Variants in BAZ1A observed in about 807,000 individuals in gnomAD.
BAZ1A encodes bromodomain adjacent to zinc finger domain 1A.
Under a neutral mutation model 185.2 loss-of-function variants are expected in BAZ1A, and 50 were observed. The observed-to-expected ratio is 0.27, with a 90% confidence interval of 0.22 to 0.34. The LOEUF (loss-of-function observed/expected upper bound fraction) is 0.34. Among genes scored for constraint, BAZ1A ranks in the 10% least tolerant of loss-of-function variants. The pLI is 1.00. For synonymous variants in BAZ1A, 571 were observed against 615.6 expected, an observed-to-expected ratio of 0.93 and a Z score of 1.07; for missense variants, 1,356 against 1,839.9, an observed-to-expected ratio of 0.74 and a Z score of 4.81.
intron 3 of BAZ1A, among the ~76,000 whole-genome samples, chr14:34,846,377 C>A: frequency 6.6e-6 from 1 of 152,134 alleles, no homozygotes; most frequent in Non-Finnish European, 1.5e-5. Flanking sequence ...CACTCTCACC[C>A]CCAGCATTTA....
At chr14:34,846,689 T>C (rs1360914004) in intron 3 of BAZ1A, among the ~76,000 whole-genome samples, 1 of 152,172 alleles carries the variant, frequency 6.6e-6, no homozygotes, top group Non-Finnish European at 1.5e-5. Flanking sequence ...CTATTATGCA[T>C]AAGGGTTCTA....
At chr14:34,783,320 G>T in intron 15 of BAZ1A, 88 bp from the exon 16 acceptor site, 15 of 674,130 alleles carry the variant, frequency 2.2e-5, no homozygotes, top group Non-Finnish European at 2.7e-5. Context: ...ATCATGGAAA[G>T]TACTTCAAAC....
At chr14:34,813,420 C>T (rs905878285) in intron 4 of BAZ1A, among the ~76,000 whole-genome samples, 2 of 152,136 alleles carry the variant, frequency 1.3e-5, no homozygotes, top group African/African-American at 2.4e-5. Context: ...CAGTGGCTCA[C>T]GCCTGTAATC....
chr14:34,817,369 C>G (rs1177746946), intron 4 of BAZ1A, among the ~76,000 whole-genome samples: 3 of 152,178 alleles, frequency 2.0e-5, no homozygotes, highest in African/African-American at 7.2e-5. Flanking sequence ...GGGCAGATTA[C>G]TTGAGGCCAA....
Position 34,812,492 on chromosome 14 carries a change from C to T in BAZ1A, c.537-1456G>A, listed in dbSNP as rs546675001. On this transcript the variant is annotated intron_variant, in intron 4 of 26. Transcript: ENST00000360310. ...CTTAACTTACACTTCAGAAGGGTCACTCTGGCTGCTATGTGGAAAAGACAC... is the reference window on the plus strand; with the variant it reads ...CTTAACTTACACTTCAGAAGGGTCATTCTGGCTGCTATGTGGAAAAGACAC... Among the ~76,000 whole-genome samples the T allele has an allele frequency of 6.1e-4, 93 of 152,278 alleles. 1 individual carries two copies. Among genetic ancestry groups the T allele is most frequent in the Non-Finnish European group, 1.1e-3 (73 of 68,012 alleles).
chr14:34,782,792 A>T (rs1399421620), intron 16 of BAZ1A, among the ~76,000 whole-genome samples: 1 of 152,174 alleles, frequency 6.6e-6, no homozygotes, highest in East Asian at 1.9e-4. Flanking sequence ...AAATGCAATA[A>T]AATACTTGGG....
In BAZ1A at chr14:34,785,044, T is replaced by C. The variant is rs147239952; in HGVS notation, c.1831+733A>G. On this transcript the variant is annotated intron_variant, in intron 14 of 26. Coordinates refer to ENST00000360310, the MANE Select transcript of BAZ1A (RefSeq NM_013448.3). The stretch of plus-strand genomic sequence containing the variant: ...CTAATTTTTGTATTTTTAGTAAAGA[T>C]GGTGTTTCACCATGTTGGCCAGGCT... Among the ~76,000 whole-genome samples, 26 of 152,122 alleles carry C rather than the reference T, an allele frequency of 1.7e-4. 1 individual carries two copies. The East Asian group carries it at 5.0e-3, about 30-fold the overall frequency.
At chr14:34,801,838 G>A (rs1396725638) in intron 7 of BAZ1A, among the ~76,000 whole-genome samples, 1 of 151,410 alleles carries the variant, frequency 6.6e-6, no homozygotes, top group Non-Finnish European at 1.5e-5. Flanking sequence ...CCCAGGAGGT[G>A]GAGGTTGCAG....
chr14:34,861,741 G>C (rs1388178265), intron 3 of BAZ1A, among the ~76,000 whole-genome samples: 1 of 152,118 alleles, frequency 6.6e-6, no homozygotes, highest in African/African-American at 2.4e-5. Context: ...AGTGAAAAGG[G>C]ATCTAGAGTA....
At chr14:34,819,906 T>C (rs2042060918) in intron 4 of BAZ1A, among the ~76,000 whole-genome samples, 1 of 152,222 alleles carries the variant, frequency 6.6e-6, no homozygotes, top group Admixed American at 6.5e-5. Context: ...ATGGAGTTCC[T>C]GTTGCTCCAC....
chr14:34,856,352 T>TC (rs11463279), intron 3 of BAZ1A, among the ~76,000 whole-genome samples: 142,651 of 150,478 alleles, frequency 0.95, 68,105 homozygotes, highest in East Asian at 1. Flanking sequence ...AGTGGCGCAA[T>TC]ATAGCTCACT....
intron 18 of BAZ1A, among the ~76,000 whole-genome samples, chr14:34,774,816 G>C (rs1887834630): frequency 6.6e-6 from 1 of 152,028 alleles, no homozygotes. Context: ...AATATATAAA[G>C]AACTCTTACA....
At chr14:34,821,083 T>G (rs991086328) in intron 4 of BAZ1A, among the ~76,000 whole-genome samples, 1 of 152,208 alleles carries the variant, frequency 6.6e-6, no homozygotes, top group Non-Finnish European at 1.5e-5. Context: ...TTTGCTGATA[T>G]CCACAAAATA....
intron 21 of BAZ1A, chr14:34,768,543 C>T (rs1379208518): frequency 1.3e-5 from 3 of 236,500 alleles, no homozygotes; most frequent in Non-Finnish European, 2.5e-5. Flanking sequence ...TTTAAGCTTA[C>T]CCCCAAGTCC....
At position 34,761,980 on chromosome 14, in the gene BAZ1A, A is replaced by T; in HGVS notation, c.4020T>A (p.His1340Gln). 1 of 1,614,222 alleles carries T rather than the reference A, an allele frequency of 6.2e-7. No homozygotes were observed. The highest frequency in any genetic ancestry group is 8.5e-7 in the Non-Finnish European group (1 of 1,180,046). Residue 1340 changes from histidine to glutamine, a missense_variant, in exon 24 of 27, where the codon CAT becomes CAA. This residue lies in a region of BAZ1A where 309 missense variants were observed against 355.3 expected (regional missense o/e 0.87). Transcript: ENST00000360310. ...CAAATACATCTGCTTGCAGTGGGCC[A>T]TGACTGTGGCGAGTAGAACGACTGG... ...RIASRSTRHS[H>Q]GPLQADVFVE...
intron 3 of BAZ1A, among the ~76,000 whole-genome samples, chr14:34,846,878 A>G (rs2042520906): frequency 6.6e-6 from 1 of 152,162 alleles, no homozygotes; most frequent in South Asian, 2.1e-4. Context: ...CTGCACACGT[A>G]CCTCAGAACT....
At position 34,753,487 on chromosome 14, in the gene BAZ1A, A is replaced by G; in HGVS notation, c.*21T>C. On this transcript the variant is annotated 3_prime_UTR_variant, in exon 27 of 27. Transcript: ENST00000360310. Reference sequence around the variant, plus strand: ...ATGAACAATTTGTTTTTCTTCAAATATATCCTTTAGAAGGACAAAGTCAGA... The same window carrying G: ...ATGAACAATTTGTTTTTCTTCAAATGTATCCTTTAGAAGGACAAAGTCAGA... 1.2e-6 allele frequency: 2 copies of G among 1,612,558 alleles called. No homozygotes were observed. The highest frequency in any genetic ancestry group is 1.7e-6 in the Non-Finnish European group (2 of 1,178,886).
chr14:34,872,444 A>G (rs1025607417), intron 2 of BAZ1A, among the ~76,000 whole-genome samples: 1 of 152,030 alleles, frequency 6.6e-6, no homozygotes, highest in Non-Finnish European at 1.5e-5. Context: ...AAATACAAAA[A>G]TTAGCCAGAG....
intron 12 of BAZ1A, among the ~76,000 whole-genome samples, chr14:34,786,796 C>T (rs570912383): frequency 2.0e-4 from 31 of 151,522 alleles, no homozygotes; most frequent in Admixed American, 5.9e-4. Flanking sequence ...TTAGTAGAGA[C>T]GGGTTTTCAC....
Sources: gnomAD v4.1 joint callset for allele counts (sites outside exome capture counted in the v4.1 genomes callset) on GRCh38, gnomAD v4.1.1 for gene constraint, gnomAD v4.1.1 regional missense constraint, MANE v1.5 for transcripts, NCBI Gene and HGNC (gene_info 2026-07-23, HGNC 2026-07-21) for gene names.